Variants in STIM1 observed in about 807,000 individuals in gnomAD.
STIM1 encodes stromal interaction molecule 1.
Under a neutral mutation model 74.7 loss-of-function variants are expected in STIM1, and 25 were observed. The ratio of observed to expected loss-of-function variants is 0.33; its 90% confidence interval spans 0.24 to 0.47. The LOEUF (loss-of-function observed/expected upper bound fraction) is 0.47, where lower values mean the gene tolerates loss of function less well. Ranked by LOEUF, STIM1 falls within the 20% of genes least tolerant of loss-of-function variation. The probability of loss-of-function intolerance (pLI) is 1.00; values close to 1 mark genes in which losing one functional copy is unlikely to be tolerated. For synonymous variants in STIM1, 328 were observed against 348.8 expected (o/e 0.94, Z 0.66); for missense variants, 728 against 920.8 (o/e 0.79, Z 2.71).
At chr11:3,909,676 T>A (rs1206480651) in intron 1 of STIM1, among the ~76,000 whole-genome samples, 1 of 151,466 alleles carries the variant, frequency 6.6e-6, no homozygotes, top group East Asian at 1.9e-4. Flanking sequence ...TACAAAAAAT[T>A]AGCCTGGTGC....
At chr11:3,984,862 A>G (rs1028136853) in intron 2 of STIM1, among the ~76,000 whole-genome samples, 1 of 152,208 alleles carries the variant, frequency 6.6e-6, no homozygotes, top group African/African-American at 2.4e-5. Context: ...TTATGTAAAC[A>G]GGCAGTGACA....
chr11:4,001,730 A>G (rs554406573), intron 2 of STIM1, among the ~76,000 whole-genome samples: 33 of 151,468 alleles, frequency 2.2e-4, no homozygotes, highest in African/African-American at 2.2e-4. Context: ...AAATTCACAC[A>G]TAACAATATT....
Position 4,074,556 on chromosome 11 carries a change from G to A in STIM1, c.846G>A (p.Leu282=). 6.2e-7 allele frequency: 1 copy of A among 1,614,144 alleles called. No individual in the cohort carries two copies. Among genetic ancestry groups the A allele is most frequent in the Non-Finnish European group, 8.5e-7 (1 of 1,180,020 alleles). The change falls in exon 7 of 13, where the codon CTG becomes CTA. Residue 282 remains leucine, a synonymous_variant. Coordinates refer to ENST00000526596, the MANE Select transcript of STIM1 (RefSeq NM_001382567.1). ...HRTVEVEKVH[L]EKKLRDEINL... is the part of the protein sequence containing the mutation. ...CAGTGGAGGTGGAGAAGGTCCATCT[G>A]GAAAAGAAGCTGCGCGATGAGATCA...
At chr11:4,012,656 C>A (rs918524745) in intron 2 of STIM1, among the ~76,000 whole-genome samples, 12 of 152,322 alleles carry the variant, frequency 7.9e-5, no homozygotes, top group East Asian at 7.7e-4. Flanking sequence ...AATATACAAT[C>A]ATGTCATCTG....
intron 1 of STIM1, among the ~76,000 whole-genome samples, chr11:3,956,252 T>A (rs985302778): frequency 2.6e-5 from 4 of 152,166 alleles, no homozygotes; most frequent in Non-Finnish European, 5.9e-5. Context: ...GTATTTAGAT[T>A]ATCTCCTCTG....
At chr11:3,941,592 T>TGTGC (rs2093006056) in intron 1 of STIM1, among the ~76,000 whole-genome samples, 1 of 139,414 alleles carries the variant, frequency 7.2e-6, no homozygotes, top group African/African-American at 2.7e-5. Context: ...TATATGTGTG[T>TGTGC]GTGTGTGTGT....
chr11:4,074,430 G>A (rs978514311), intron 6 of STIM1, 72 bp from the exon 7 acceptor site: 71 of 1,568,266 alleles, frequency 4.5e-5, no homozygotes, highest in Non-Finnish European at 6.1e-5. Flanking sequence ...CCTCTTTGAT[G>A]CCATGACTCA....
chr11:3,958,214 T>A (rs2093241070), intron 1 of STIM1, among the ~76,000 whole-genome samples: 1 of 152,104 alleles, frequency 6.6e-6, no homozygotes. Flanking sequence ...TTGGTCAAAA[T>A]TCAGAGCTTA....
chr11:3,858,141 T>C (rs543601134), intron 1 of STIM1, among the ~76,000 whole-genome samples: 65 of 152,302 alleles, frequency 4.3e-4, no homozygotes, highest in Non-Finnish European at 7.5e-4. Context: ...TGACATAAGA[T>C]GAATATTTTT....
chr11:4,072,735 A>G (rs2133174964), intron 6 of STIM1, among the ~76,000 whole-genome samples: 1 of 152,360 alleles, frequency 6.6e-6, no homozygotes, highest in African/African-American at 2.4e-5. Flanking sequence ...ATAAAAGGAC[A>G]GTATTTCAGT....
intron 1 of STIM1, among the ~76,000 whole-genome samples, chr11:3,914,483 C>T (rs569024114): frequency 3.9e-4 from 59 of 152,286 alleles, no homozygotes; most frequent in African/African-American, 1.4e-3. Flanking sequence ...CACTCTGTCG[C>T]CAGGCTGGAG....
At chr11:4,022,669 G>C (rs756898723) in intron 2 of STIM1, among the ~76,000 whole-genome samples, 25 of 152,278 alleles carry the variant, frequency 1.6e-4, no homozygotes, top group Non-Finnish European at 3.2e-4. Context: ...TTGCAGAGCT[G>C]GGGGCTGGAA....
chr11:3,992,857 T>G (rs573129309), intron 2 of STIM1, among the ~76,000 whole-genome samples: 1 of 152,230 alleles, frequency 6.6e-6, no homozygotes, highest in Non-Finnish European at 1.5e-5. Context: ...ATTGTTTCAA[T>G]TGCCTGGGCA....
At chr11:3,928,845 A>G (rs988661956) in intron 1 of STIM1, among the ~76,000 whole-genome samples, 6 of 152,032 alleles carry the variant, frequency 3.9e-5, no homozygotes, top group Admixed American at 3.9e-4. Flanking sequence ...TAACAACTTT[A>G]TGATTCTTGT....
chr11:3,870,401 A>G (rs1028414927), intron 1 of STIM1, among the ~76,000 whole-genome samples: 8 of 152,220 alleles, frequency 5.3e-5, no homozygotes, highest in Admixed American at 4.6e-4. Context: ...TGAGCCTCAT[A>G]TTCCCTTTTG....
At chr11:4,020,101 A>G (rs1220146622) in intron 2 of STIM1, among the ~76,000 whole-genome samples, 1 of 152,216 alleles carries the variant, frequency 6.6e-6, no homozygotes, top group Non-Finnish European at 1.5e-5. Flanking sequence ...AGGCACATCC[A>G]TGTTGCCACA....
Position 4,091,562 on chromosome 11 carries a change from T to C in STIM1, c.1915T>C (p.Ser639Pro), listed in dbSNP as rs1435248579. ...GAGCCCCTCAGCCCCACCTGGTGGCTCTCCACATTTGGATTCTTCCCGTTC... is the reference window on the plus strand; with the variant it reads ...GAGCCCCTCAGCCCCACCTGGTGGCCCTCCACATTTGGATTCTTCCCGTTC... Reference protein sequence around the residue: ...ELSPSAPPGGSPHLDSSRSHS... With the variant: ...ELSPSAPPGGPPHLDSSRSHS... The change falls in exon 13 of 13, where the codon TCT (serine) becomes CCT (proline). Residue 639 changes from serine (S) to proline (P), a missense_variant. By Grantham distance (74) the Ser-to-Pro change is moderately conservative. This residue lies in a region of STIM1 where 352 missense variants were observed against 370.1 expected (regional missense o/e 0.95). Coordinates refer to ENST00000526596, the MANE Select transcript of STIM1 (RefSeq NM_001382567.1). 6.2e-7 allele frequency: 1 copy of C among 1,614,124 alleles called. No individual in the cohort carries two copies. The highest frequency in any genetic ancestry group is 1.1e-5 in the South Asian group (1 of 91,080).
intron 1 of STIM1, among the ~76,000 whole-genome samples, chr11:3,904,451 G>A (rs1418206549): frequency 6.6e-6 from 1 of 151,918 alleles, no homozygotes; most frequent in Non-Finnish European, 1.5e-5. Context: ...GTGTGTGAAG[G>A]GCCAGATCCC....
chr11:4,059,511 A>G lies in STIM1; in HGVS notation c.613+115A>G, dbSNP rs1263572633. On this transcript the variant is annotated intron_variant, in intron 5 of 12. Transcript: ENST00000526596. ...TAGGCACACCTGCAAGATAGCACCT[A>G]TACTATTTCCACTGGTATTAAGGTA... The G allele has an allele frequency of 1.3e-5, 10 of 786,948 alleles. No individual in the cohort carries two copies. The East Asian group carries it at 1.3e-4, about 11-fold the overall frequency. The allele number at this position is 786,948 out of a possible 1,614,324, so 48.7% of individuals were successfully genotyped here.
Sources: allele counts gnomAD v4.1 joint callset (sites outside exome capture counted in the v4.1 genomes callset), GRCh38; gene constraint gnomAD v4.1.1; regional missense constraint gnomAD v4.1.1; transcripts MANE v1.5; gene names NCBI Gene and HGNC (gene_info 2026-07-23, HGNC 2026-07-21).